Variants in LRP1B observed in about 807,000 individuals in gnomAD.
LRP1B encodes the protein low-density lipoprotein receptor-related protein 1B.
In LRP1B, 217 loss-of-function variants were observed where a neutral mutation model predicts 556.6. The ratio of observed to expected loss-of-function variants is 0.39; its 90% CI spans 0.35 to 0.44. LRP1B has a LOEUF of 0.44. Ranked by LOEUF, LRP1B falls within the 20% of genes least tolerant of loss-of-function variation. LRP1B has a pLI of 1.00. For synonymous variants in LRP1B, 2,047 were observed against 1,865.8 expected (o/e 1.10, Z -2.50); for missense variants, 5,053 against 5,620.8 (o/e 0.90, Z 3.23).
intron 3 of LRP1B, among the ~76,000 whole-genome samples, chr2:141,312,905 T>C (rs1344612416): frequency 6.6e-6 from 1 of 152,130 alleles, no homozygotes; most frequent in Non-Finnish European, 1.5e-5. Flanking sequence ...GGTCTCGAAC[T>C]CCTGACCTCA....
intron 23 of LRP1B, among the ~76,000 whole-genome samples, chr2:140,894,087 A>G (rs1693878154): frequency 6.6e-6 from 1 of 152,228 alleles, no homozygotes; most frequent in African/African-American, 2.4e-5. Flanking sequence ...GAGAAATAAA[A>G]GAATGGATGA....
At chr2:141,645,469 CTTT>C (rs750147915) in intron 2 of LRP1B, among the ~76,000 whole-genome samples, 32 of 48,388 alleles carry the variant, frequency 6.6e-4, no homozygotes, top group African/African-American at 1.2e-3. Flanking sequence ...GAAGACAAGG[CTTT>C]TTTTTTTTTT....
intron 27 of LRP1B, among the ~76,000 whole-genome samples, chr2:140,862,198 A>G (rs1692818888): frequency 6.6e-6 from 1 of 152,152 alleles, no homozygotes; most frequent in Non-Finnish European, 1.5e-5. Flanking sequence ...TAATCCTTTA[A>G]GTGAAGTGTC....
At chr2:141,067,630 T>A (rs1332380885) in intron 7 of LRP1B, among the ~76,000 whole-genome samples, 1 of 151,968 alleles carries the variant, frequency 6.6e-6, no homozygotes. Flanking sequence ...CCTGCCCCAT[T>A]TAGTGTTTCT....
At chr2:140,618,794 G>T (rs770611175) in intron 41 of LRP1B, among the ~76,000 whole-genome samples, 3 of 152,008 alleles carry the variant, frequency 2.0e-5, no homozygotes, top group Non-Finnish European at 4.4e-5. Flanking sequence ...CCTCATTCAG[G>T]ACAGAAATAG....
chr2:141,818,097 T>C (rs1006562076), intron 1 of LRP1B, among the ~76,000 whole-genome samples: 1 of 152,178 alleles, frequency 6.6e-6, no homozygotes, highest in African/African-American at 2.4e-5. Context: ...CATTGCTAAT[T>C]TAAACATAGG....
At chr2:140,407,683 T>A (rs948584133) in intron 66 of LRP1B, among the ~76,000 whole-genome samples, 1 of 152,006 alleles carries the variant, frequency 6.6e-6, no homozygotes, top group African/African-American at 2.4e-5. Flanking sequence ...AAATAGTACA[T>A]GTTGCTGTGG....
chr2:141,441,358 G>A (rs547275916), intron 3 of LRP1B, among the ~76,000 whole-genome samples: 39 of 152,214 alleles, frequency 2.6e-4, no homozygotes, highest in Non-Finnish European at 4.3e-4. Flanking sequence ...GACTACAGGC[G>A]TGAGCCACCA....
At chr2:140,576,315 T>G (rs1681524089) in intron 43 of LRP1B, among the ~76,000 whole-genome samples, 1 of 152,228 alleles carries the variant, frequency 6.6e-6, no homozygotes, top group African/African-American at 2.4e-5. Flanking sequence ...AAACTTTTCC[T>G]TCCTACTTCC....
At chr2:142,023,705 G>C (rs891869713) in intron 1 of LRP1B, among the ~76,000 whole-genome samples, 4 of 152,148 alleles carry the variant, frequency 2.6e-5, no homozygotes, top group Non-Finnish European at 5.9e-5. Context: ...ATTTCTAAAA[G>C]TGAAATTCCA....
chr2:140,251,896 CT>C (rs1199352260), intron 86 of LRP1B, among the ~76,000 whole-genome samples: 1 of 150,962 alleles, frequency 6.6e-6, no homozygotes, highest in Non-Finnish European at 1.5e-5. Flanking sequence ...CACAAAGTTA[CT>C]TGCAAAATAC....
At chr2:140,942,382 T>C (rs1006097925) in intron 20 of LRP1B, among the ~76,000 whole-genome samples, 1 of 152,114 alleles carries the variant, frequency 6.6e-6, no homozygotes, top group African/African-American at 2.4e-5. Flanking sequence ...ATATAGTCCA[T>C]GAAAATTTCC....
intron 2 of LRP1B, among the ~76,000 whole-genome samples, chr2:141,671,373 G>A (rs1365845564): frequency 1.3e-5 from 2 of 152,184 alleles, no homozygotes; most frequent in Non-Finnish European, 1.5e-5. Flanking sequence ...CAGCCAGGGA[G>A]TGAAGGAGGC....
chr2:140,551,541 T>C (rs1680548777), intron 43 of LRP1B, among the ~76,000 whole-genome samples: 1 of 152,180 alleles, frequency 6.6e-6, no homozygotes, highest in Admixed American at 6.6e-5. Flanking sequence ...CTACAGGCTA[T>C]GGTTTGTGAT....
chr2:140,385,243 T>G lies in LRP1B; in HGVS notation c.10531+650A>C, dbSNP rs1683707071. On this transcript the variant is annotated intron_variant, in intron 67 of 90. Coordinates refer to ENST00000389484, the MANE Select transcript of LRP1B (RefSeq NM_018557.3). The stretch of plus-strand genomic sequence containing the variant: ...CTGAGCAACAGGGTGAGACCCTCTC[T>G]CAAAAAATACATATATATATTCTGA... Among the ~76,000 whole-genome samples the G allele has an allele frequency of 5.3e-5, 8 of 152,220 alleles. No homozygotes were observed. The South Asian group carries it at 1.7e-3, about 32-fold the overall frequency.
intron 1 of LRP1B, among the ~76,000 whole-genome samples, chr2:141,920,044 T>A (rs1700141707): frequency 6.6e-6 from 1 of 151,982 alleles, no homozygotes; most frequent in Non-Finnish European, 1.5e-5. Flanking sequence ...TTCTGGAACA[T>A]GTAACCTTTT....
At chr2:141,367,509 G>A (rs1689085352) in intron 3 of LRP1B, among the ~76,000 whole-genome samples, 1 of 96,426 alleles carries the variant, frequency 1.0e-5, no homozygotes, top group African/African-American at 4.2e-5. Context: ...TTGAGATGAA[G>A]TCTTGCTCTG....
At chr2:140,563,470 A>G (rs1284292136) in intron 43 of LRP1B, among the ~76,000 whole-genome samples, 2 of 152,196 alleles carry the variant, frequency 1.3e-5, no homozygotes, top group African/African-American at 4.8e-5. Flanking sequence ...TCTGAAATGG[A>G]AAGCAGTCTG....
At chr2:141,565,737 A>C (rs1031166628) in intron 2 of LRP1B, among the ~76,000 whole-genome samples, 1 of 152,236 alleles carries the variant, frequency 6.6e-6, no homozygotes, top group Admixed American at 6.5e-5. Flanking sequence ...CCAAGATTAA[A>C]CTAAGTTACA....
Sources: gnomAD v4.1 joint callset for allele counts (sites outside exome capture counted in the v4.1 genomes callset) on GRCh38, gnomAD v4.1.1 for gene constraint, MANE v1.5 for transcripts, NCBI Gene and HGNC (gene_info 2026-07-23, HGNC 2026-07-21) for gene names.